TTC3: variants seen among roughly 807,000 people sequenced by gnomAD.
TTC3 encodes E3 ubiquitin-protein ligase TTC3.
In TTC3, 180 loss-of-function variants were observed where a neutral mutation model predicts 249.6. The ratio of observed to expected loss-of-function variants is 0.72; its 90% CI spans 0.64 to 0.82. The LOEUF (loss-of-function observed/expected upper bound fraction) is 0.82, where lower values mean the gene tolerates loss of function less well. Among genes scored for constraint, TTC3 ranks in the 40% least tolerant of loss-of-function variants. TTC3 has a pLI of 0.00. For synonymous variants in TTC3, 717 were observed against 805.0 expected, an observed-to-expected ratio of 0.89 and a Z score of 1.85; for missense variants, 2,061 against 2,398.4, an observed-to-expected ratio of 0.86 and a Z score of 2.94.
chr21:37,188,518 G>A (rs748097984), exon 39 of TTC3: 26 of 1,613,816 alleles, frequency 1.6e-5, no homozygotes, highest in Non-Finnish European at 2.2e-5. Flanking sequence ...AAAACTGGAA[G>A]GAGAGTGAAG....
At chr21:37,105,655 C>T (rs2075007493) in intron 10 of TTC3, among the ~76,000 whole-genome samples, 1 of 152,306 alleles carries the variant, frequency 6.6e-6, no homozygotes, top group African/African-American at 2.4e-5. Context: ...GACCCTCCTC[C>T]TAGTCATGAT....
chr21:37,159,082 T>TCC (rs778644615), intron 28 of TTC3, among the ~76,000 whole-genome samples: 7 of 152,148 alleles, frequency 4.6e-5, no homozygotes, highest in Admixed American at 6.6e-5. Flanking sequence ...TCATCTGGGG[T>TCC]CTGGGTTCAT....
At chr21:37,169,050 G>A (rs1268409451) in intron 34 of TTC3, among the ~76,000 whole-genome samples, 2 of 144,574 alleles carry the variant, frequency 1.4e-5, no homozygotes, top group Non-Finnish European at 3.0e-5. Context: ...AGGCAGAAGC[G>A]GCAGTGCTTT....
At chr21:37,084,861 T>G (rs1419440446) in intron 1 of TTC3, among the ~76,000 whole-genome samples, 1 of 151,908 alleles carries the variant, frequency 6.6e-6, no homozygotes, top group Non-Finnish European at 1.5e-5. Flanking sequence ...GGCGTGGTGG[T>G]GGGCACCTGT....
rs180803706 is a variant in TTC3, at chr21:37,161,654, A to G, written c.3097-336A>G. Among the ~76,000 whole-genome samples the G allele has an allele frequency of 1.1e-3, 166 of 152,322 alleles. 3 individuals carry two copies. Among genetic ancestry groups the G allele is most frequent in the Admixed American group, 2.7e-3 (41 of 15,312 alleles). On this transcript the variant is annotated intron_variant, in intron 30 of 45. Coordinates refer to ENST00000355666, the Ensembl canonical transcript of TTC3. ...GGGATGGAGTGAGAGAGAGTAGCAA[A>G]TCTTCAAAGGATGAGAACAGTTAAG... is the stretch of plus-strand genomic sequence containing the variant.
At chr21:37,152,839 C>A in intron 26 of TTC3, 112 bp from the exon 27 acceptor site, 1 of 876,250 alleles carries the variant, frequency 1.1e-6, no homozygotes, top group Non-Finnish European at 1.6e-6. Context: ...TTTAGTAAAA[C>A]AGTATAATCA....
intron 42 of TTC3, 28 bp downstream of exon 42, chr21:37,196,064 G>A: frequency 1.2e-6 from 2 of 1,609,126 alleles, no homozygotes; most frequent in South Asian, 1.1e-5. Context: ...CTGTGACTGT[G>A]TTTAATACTT....
chr21:37,132,379 G>C (rs1448740344), intron 16 of TTC3, among the ~76,000 whole-genome samples: 2 of 151,060 alleles, frequency 1.3e-5, no homozygotes, highest in Non-Finnish European at 2.9e-5. Flanking sequence ...CGCCCAGGCT[G>C]GAGTGCAGTG....
intron 2 of TTC3, 42 bp downstream of exon 2, chr21:37,087,443 T>G: frequency 6.2e-7 from 1 of 1,609,152 alleles, no homozygotes; most frequent in Non-Finnish European, 8.5e-7. Context: ...CATTGTGTAT[T>G]GAAGGTTTTC....
intron 11 of TTC3, among the ~76,000 whole-genome samples, chr21:37,115,201 A>AAT (rs1213970949): frequency 2.0e-5 from 3 of 150,004 alleles, no homozygotes; most frequent in East Asian, 2.0e-4. Context: ...TAATAATAAT[A>AAT]AAGAAACTAT....
At chr21:37,131,583 T>C (rs923138778) in intron 16 of TTC3, among the ~76,000 whole-genome samples, 6 of 152,080 alleles carry the variant, frequency 3.9e-5, no homozygotes, top group Admixed American at 1.3e-4. Flanking sequence ...ATTGTTTTTC[T>C]AGTGAGCCTG....
intron 26 of TTC3, among the ~76,000 whole-genome samples, chr21:37,152,298 A>G (rs1366259881): frequency 1.3e-5 from 2 of 151,362 alleles, no homozygotes; most frequent in East Asian, 1.9e-4. Flanking sequence ...AAACATATTT[A>G]TTGTATATAA....
intron 17 of TTC3, 79 bp downstream of exon 17, chr21:37,132,845 T>A: frequency 9.4e-7 from 1 of 1,066,684 alleles, no homozygotes; most frequent in South Asian, 1.7e-5. Context: ...GTTCTAATCA[T>A]GTACATCTCT....
rs967726545 is a variant in TTC3, at chr21:37,144,720, C to G, written c.1893+75C>G. ...ATTGACTGACTCAGGTATCAGGAGGCGGAGAGGTAGGAGCATTCCATCCCC... is the reference window on the plus strand; with the variant it reads ...ATTGACTGACTCAGGTATCAGGAGGGGGAGAGGTAGGAGCATTCCATCCCC... On this transcript the variant is annotated intron_variant, in intron 21 of 45. Transcript: ENST00000355666. The G allele has an allele frequency of 6.5e-6, 10 of 1,540,174 alleles. No homozygotes were observed. The African/African-American group carries it at 1.4e-4, about 21-fold the overall frequency.
chr21:37,087,985 C>A (rs2072733582), intron 3 of TTC3, 110 bp downstream of exon 3: 1 of 988,184 alleles, frequency 1.0e-6, no homozygotes, highest in Non-Finnish European at 1.5e-6. Context: ...AAAATGTATT[C>A]TTACTAGTTT....
intron 10 of TTC3, among the ~76,000 whole-genome samples, chr21:37,103,272 A>G (rs1212690555): frequency 6.6e-5 from 10 of 152,202 alleles, no homozygotes; most frequent in Admixed American, 5.2e-4. Flanking sequence ...ACACTTCCCT[A>G]TGTAAGAGCA....
At chr21:37,164,094 C>T in exon 32 of TTC3, 3 of 1,612,382 alleles carry the variant, frequency 1.9e-6, no homozygotes, top group Middle Eastern at 1.9e-4. Context: ...AGTGCCTGAC[C>T]ATCTTCGGCA....
chr21:37,131,697 T>G (rs894883789), intron 16 of TTC3, among the ~76,000 whole-genome samples: 1 of 152,150 alleles, frequency 6.6e-6, no homozygotes. Flanking sequence ...TGGGACTGAT[T>G]CTTTACCCTG....
At chr21:37,156,769 T>G in exon 28 of TTC3, 4 of 1,614,088 alleles carry the variant, frequency 2.5e-6, no homozygotes, top group Non-Finnish European at 3.4e-6. Context: ...CTAGACTCTA[T>G]AGAAGGAAAG....
Sources: allele counts gnomAD v4.1 joint callset (sites outside exome capture counted in the v4.1 genomes callset), GRCh38; gene constraint gnomAD v4.1.1; transcripts MANE v1.5; gene names NCBI Gene and HGNC (gene_info 2026-07-23, HGNC 2026-07-21).